SGMS2: variants seen among roughly 807,000 people sequenced by gnomAD.
The protein encoded by SGMS2 is sphingomyelin synthase 2.
Under a neutral mutation model 43.8 loss-of-function variants are expected in SGMS2, and 21 were observed. The ratio of observed to expected loss-of-function variants is 0.48; its 90% CI spans 0.34 to 0.69. SGMS2 has a LOEUF of 0.69. Among genes scored for constraint, SGMS2 ranks in the 30% least tolerant of loss-of-function variants. The pLI is 0.01. For synonymous variants in SGMS2, 167 were observed against 160.6 expected (o/e 1.04, Z -0.30); for missense variants, 384 against 443.2 (o/e 0.87, Z 1.20).
rs185930770 is a variant in SGMS2 at position 107,827,901 on chromosome 4, G to A, written c.-327+2648G>A. Among the ~76,000 whole-genome samples the A allele has an allele frequency of 1.3e-4, 20 of 152,244 alleles. No individual in the cohort carries two copies. The South Asian group carries it at 3.3e-3, about 25-fold the overall frequency. On this transcript the variant is annotated intron_variant, in intron 1 of 6. Transcript: ENST00000690982. ...CTCGGGAGGCTGACGCAGGAGAATC[G>A]CTTGAACCTGGGAGGTGGAGGTTGC...
chr4:107,826,479 C>T (rs548870353), intron 1 of SGMS2, among the ~76,000 whole-genome samples: 111 of 152,268 alleles, frequency 7.3e-4, no homozygotes, highest in Admixed American at 1.6e-3. Flanking sequence ...AATGTCAGAG[C>T]AATGGCTGAA....
intron 1 of SGMS2, among the ~76,000 whole-genome samples, chr4:107,846,700 A>G (rs1454790606): frequency 2.0e-5 from 3 of 150,932 alleles, no homozygotes; most frequent in Non-Finnish European, 4.4e-5. Context: ...TGACTTCCAC[A>G]ATGGTTGAAC....
intron 1 of SGMS2, among the ~76,000 whole-genome samples, chr4:107,836,182 G>A (rs1211448939): frequency 2.0e-5 from 3 of 152,120 alleles, no homozygotes; most frequent in Non-Finnish European, 2.9e-5. Flanking sequence ...CCGGCCACAC[G>A]TCAAGCACTC....
At chr4:107,883,258 T>C (rs1729498894) in intron 2 of SGMS2, among the ~76,000 whole-genome samples, 1 of 152,202 alleles carries the variant, frequency 6.6e-6, no homozygotes, top group African/African-American at 2.4e-5. Context: ...ACCTTTGATA[T>C]GAATTATTGA....
intron 2 of SGMS2, chr4:107,886,819 G>T (rs1301102864): frequency 4.6e-5 from 7 of 152,160 alleles, no homozygotes; most frequent in Non-Finnish European, 8.8e-5. Context: ...AGTTTCTCCA[G>T]TTGTGTCCTG....
chr4:107,847,889 A>G, intron 1 of SGMS2, among the ~76,000 whole-genome samples: 1 of 152,332 alleles, frequency 6.6e-6, no homozygotes, highest in South Asian at 2.1e-4. Context: ...ACATTAGTGT[A>G]GTACACTTTG....
intron 1 of SGMS2, among the ~76,000 whole-genome samples, chr4:107,856,045 G>A (rs924604984): frequency 2.0e-5 from 3 of 152,066 alleles, no homozygotes; most frequent in Admixed American, 6.6e-5. Flanking sequence ...ATTTGCTACC[G>A]GGAGCAGGTA....
intron 1 of SGMS2, among the ~76,000 whole-genome samples, chr4:107,849,146 G>T (rs1009892630): frequency 7.2e-5 from 11 of 152,042 alleles, no homozygotes; most frequent in Non-Finnish European, 1.5e-4. Context: ...CTTAATTTCT[G>T]CTTGAGTTCC....
intron 2 of SGMS2, among the ~76,000 whole-genome samples, chr4:107,861,073 G>A (rs1286518221): frequency 1.3e-5 from 2 of 152,152 alleles, no homozygotes; most frequent in Non-Finnish European, 2.9e-5. Flanking sequence ...TCTTTCGCCT[G>A]GCCATAACAG....
At chr4:107,838,435 C>A (rs1289388368) in intron 1 of SGMS2, among the ~76,000 whole-genome samples, 1 of 152,056 alleles carries the variant, frequency 6.6e-6, no homozygotes, top group Non-Finnish European at 1.5e-5. Context: ...TCTTCTTCTT[C>A]TTCTTCTTCT....
chr4:107,848,267 A>G (rs1726944247), intron 1 of SGMS2, among the ~76,000 whole-genome samples: 2 of 152,172 alleles, frequency 1.3e-5, no homozygotes, highest in Admixed American at 1.3e-4. Flanking sequence ...TTTTAGCCTG[A>G]ATAATAATAC....
At chr4:107,901,003 C>T (rs1731068731) in intron 4 of SGMS2, among the ~76,000 whole-genome samples, 2 of 151,994 alleles carry the variant, frequency 1.3e-5, no homozygotes, top group South Asian at 4.1e-4. Context: ...GAGAAATGGC[C>T]ACAGAAAAGA....
rs567107877 is a variant in SGMS2 at position 107,878,525 on chromosome 4, G to A, written c.-244-16785G>A. Among the ~76,000 whole-genome samples, 5 of 152,200 alleles carry A rather than the reference G, an allele frequency of 3.3e-5. No individual in the cohort carries two copies. In the South Asian group the frequency reaches 1.0e-3, roughly 32 times the overall value. ...CAGTCTTCTTCTGTCTTCAGGGTTT[G>A]GGTAGCCCTATCTATCTTTCCATTA... On this transcript the variant is annotated intron_variant, in intron 2 of 6. Coordinates refer to ENST00000690982, the MANE Select transcript of SGMS2 (RefSeq NM_001375905.1).
chr4:107,899,344 T>G (rs1453522753), intron 3 of SGMS2, among the ~76,000 whole-genome samples: 2 of 152,166 alleles, frequency 1.3e-5, no homozygotes. Flanking sequence ...CACCTAGATT[T>G]ATTGCAGTAT....
intron 2 of SGMS2, among the ~76,000 whole-genome samples, chr4:107,874,334 G>C (rs923239339): frequency 1.2e-4 from 18 of 152,136 alleles, no homozygotes; most frequent in Admixed American, 2.0e-4. Context: ...TTGCAACTTT[G>C]TGAACCAGCA....
At chr4:107,869,739 C>T (rs1306813450) in intron 2 of SGMS2, among the ~76,000 whole-genome samples, 1 of 151,726 alleles carries the variant, frequency 6.6e-6, no homozygotes, top group South Asian at 2.1e-4. Context: ...TCCAAAAATA[C>T]AGAGTAGAGG....
intron 1 of SGMS2, among the ~76,000 whole-genome samples, chr4:107,826,203 C>G (rs191992151): frequency 9.9e-5 from 15 of 152,282 alleles, no homozygotes; most frequent in Non-Finnish European, 1.9e-4. Context: ...CTCATAATGT[C>G]TGGTACAAAG....
chr4:107,889,538 T>G (rs986255569), intron 2 of SGMS2, among the ~76,000 whole-genome samples: 2 of 152,218 alleles, frequency 1.3e-5, no homozygotes, highest in African/African-American at 2.4e-5. Flanking sequence ...TGCTTTTTTC[T>G]TTAAGCCAAT....
At chr4:107,832,653 C>T (rs774632073) in intron 1 of SGMS2, among the ~76,000 whole-genome samples, 17 of 152,162 alleles carry the variant, frequency 1.1e-4, no homozygotes, top group South Asian at 6.2e-4. Flanking sequence ...AAAAATTGCA[C>T]CTGTTCAAAC....
Sources: allele counts gnomAD v4.1 joint callset (sites outside exome capture counted in the v4.1 genomes callset), GRCh38; gene constraint gnomAD v4.1.1; transcripts MANE v1.5; gene names NCBI Gene and HGNC (gene_info 2026-07-23, HGNC 2026-07-21).